STON2: variants seen among roughly 807,000 people sequenced by gnomAD.
STON2 encodes stonin-2.
STON2 carries 29 observed loss-of-function variants against 65.7 expected under a neutral mutation model. The ratio of observed to expected loss-of-function variants is 0.44; its 90% CI spans 0.33 to 0.60. The LOEUF is 0.60. Ranked by LOEUF, STON2 falls within the 20% of genes least tolerant of loss-of-function variation. The probability of loss-of-function intolerance (pLI) is 0.03; values close to 1 mark genes in which losing one functional copy is unlikely to be tolerated. For synonymous variants in STON2, 404 were observed against 414.2 expected (o/e 0.98, Z 0.30); for missense variants, 1,054 against 1,118.1 (o/e 0.94, Z 0.82).
At chr14:81,279,812 GATGCTCTGAAAAGAGAT>G (rs1895035193) in intron 5 of STON2, among the ~76,000 whole-genome samples, 2 of 152,184 alleles carry the variant, frequency 1.3e-5, no homozygotes. Flanking sequence ...AGTTGCAACA[GATGCTCTGAAAAGAGAT>G]TGGGCAATTT....
intron 5 of STON2, among the ~76,000 whole-genome samples, chr14:81,303,476 C>G (rs1896050347): frequency 6.6e-6 from 1 of 152,314 alleles, no homozygotes; most frequent in South Asian, 2.1e-4. Flanking sequence ...GTGCCCTTTG[C>G]CCCAGTGGCT....
intron 1 of STON2, among the ~76,000 whole-genome samples, chr14:81,435,714 C>A (rs752668210): frequency 3.3e-5 from 5 of 152,004 alleles, no homozygotes; most frequent in Non-Finnish European, 5.9e-5. Flanking sequence ...CGCGCGCGCA[C>A]ACACGCACTC....
chr14:81,412,465 C>T (rs1901208885), intron 2 of STON2, among the ~76,000 whole-genome samples: 1 of 139,898 alleles, frequency 7.1e-6, no homozygotes, highest in Admixed American at 7.1e-5. Context: ...GGACATCATG[C>T]TAAGTGAAAT....
intron 4 of STON2, among the ~76,000 whole-genome samples, chr14:81,331,509 G>C (rs1021811806): frequency 1.3e-5 from 2 of 152,112 alleles, no homozygotes; most frequent in African/African-American, 4.8e-5. Context: ...GGGAGGGGGG[G>C]TACAGAGCCA....
At chr14:81,269,463 A>G in intron 7 of STON2, 1 of 985,480 alleles carries the variant, frequency 1.0e-6, no homozygotes, top group Non-Finnish European at 1.2e-6. Context: ...AATCTTTGAT[A>G]GCTCAGGCAA....
At chr14:81,397,617 T>A (rs1336952676) in intron 2 of STON2, among the ~76,000 whole-genome samples, 2 of 152,168 alleles carry the variant, frequency 1.3e-5, no homozygotes, top group African/African-American at 4.8e-5. Context: ...TTGGCACTGG[T>A]AGCTGTAGTA....
In STON2 at chr14:81,321,805, T is replaced by A. The variant is rs889590301; in HGVS notation, c.742+2212A>T. On this transcript the variant is annotated intron_variant, in intron 5 of 7. Transcript: ENST00000614646. ...TGTGTTCAGAGTTCTGAGCTAAGGA[T>A]TCTGGGAGCAACCAACCCAGAGATC... Among the ~76,000 whole-genome samples the A allele has an allele frequency of 3.9e-5, 6 of 152,060 alleles. No homozygotes were observed. In the South Asian group the frequency reaches 1.0e-3, roughly 26 times the overall value.
At chr14:81,279,420 G>T (rs1295483996) in intron 5 of STON2, among the ~76,000 whole-genome samples, 1 of 152,178 alleles carries the variant, frequency 6.6e-6, no homozygotes, top group African/African-American at 2.4e-5. Flanking sequence ...GCCGGGCACA[G>T]TGGCTCATGC....
intron 6 of STON2, among the ~76,000 whole-genome samples, chr14:81,276,391 C>T (rs967884921): frequency 1.6e-5 from 2 of 122,724 alleles, no homozygotes; most frequent in Admixed American, 8.4e-5. Flanking sequence ...CCCCCAGTCC[C>T]AGAGCCAAAG....
chr14:81,322,986 T>C (rs554785685), intron 5 of STON2, among the ~76,000 whole-genome samples: 1 of 152,342 alleles, frequency 6.6e-6, no homozygotes, highest in Admixed American at 6.5e-5. Flanking sequence ...GCAATTTCTA[T>C]TGCATTTCCC....
chr14:81,387,671 C>T (rs1899879331), intron 3 of STON2, among the ~76,000 whole-genome samples: 1 of 151,712 alleles, frequency 6.6e-6, no homozygotes, highest in Non-Finnish European at 1.5e-5. Flanking sequence ...GGTGGATCAC[C>T]CACCAGAGGT....
At chr14:81,368,078 T>TA (rs1241256942) in intron 4 of STON2, among the ~76,000 whole-genome samples, 10 of 152,126 alleles carry the variant, frequency 6.6e-5, no homozygotes, top group Non-Finnish European at 1.3e-4. Context: ...CTATTTATAT[T>TA]AAAAATAAGC....
intron 4 of STON2, among the ~76,000 whole-genome samples, chr14:81,362,509 T>C (rs1020366509): frequency 5.9e-5 from 9 of 152,124 alleles, no homozygotes; most frequent in Admixed American, 5.2e-4. Context: ...AGATGTTGGT[T>C]AAAGGGTACA....
At chr14:81,307,334 A>T (rs1896220737) in intron 5 of STON2, among the ~76,000 whole-genome samples, 1 of 152,236 alleles carries the variant, frequency 6.6e-6, no homozygotes, top group Non-Finnish European at 1.5e-5. Flanking sequence ...GAAAATCTTC[A>T]TTCCTTGAGG....
rs550704763 is a variant in STON2 at position 81,330,205 on chromosome 14, C to T, written c.572-6018G>A. Among the ~76,000 whole-genome samples, 4 of 152,260 alleles carry T rather than the reference C, an allele frequency of 2.6e-5. No individual in the cohort carries two copies. In the South Asian group the frequency reaches 6.2e-4, roughly 24 times the overall value. Reference sequence around the variant, plus strand: ...GCATACCATCACCCCCTCTCGGCACCGTGAGAAGAATTCAAATGCAATAAT... The same window carrying T: ...GCATACCATCACCCCCTCTCGGCACTGTGAGAAGAATTCAAATGCAATAAT... On this transcript the variant is annotated intron_variant, in intron 4 of 7. Coordinates refer to ENST00000614646, the MANE Select transcript of STON2 (RefSeq NM_001394390.1).
intron 4 of STON2, among the ~76,000 whole-genome samples, chr14:81,353,827 G>C (rs1898116835): frequency 6.6e-6 from 1 of 152,126 alleles, no homozygotes; most frequent in South Asian, 2.1e-4. Flanking sequence ...ACAGGATGTA[G>C]ACCTTGGTGG....
intron 5 of STON2, among the ~76,000 whole-genome samples, chr14:81,290,893 C>T (rs1489046700): frequency 6.6e-6 from 1 of 152,190 alleles, no homozygotes; most frequent in African/African-American, 2.4e-5. Context: ...AGTGTAAACA[C>T]ATCAAGTTAA....
At chr14:81,374,202 G>C (rs1331378838) in intron 3 of STON2, among the ~76,000 whole-genome samples, 1 of 149,484 alleles carries the variant, frequency 6.7e-6, no homozygotes, top group East Asian at 2.0e-4. Context: ...TTTTAGTAGA[G>C]ATGGGTTTCA....
rs566099418 is a variant in STON2 at position 81,301,099 on chromosome 14, G to C, written c.743-22360C>G. ...ATTGCACCATCATTTCTCCAGGTTT[G>C]ATTCATTCATTTAATCTCACACCAA... is the stretch of plus-strand genomic sequence containing the variant. On this transcript the variant is annotated intron_variant, in intron 5 of 7. Coordinates refer to ENST00000614646, the MANE Select transcript of STON2 (RefSeq NM_001394390.1). 4.4e-4 allele frequency among the ~76,000 whole-genome samples: 67 copies of C among 152,204 alleles called. No individual in the cohort carries two copies. In the South Asian group the frequency reaches 0.013, roughly 31 times the overall value.
Sources: allele counts gnomAD v4.1 joint callset (sites outside exome capture counted in the v4.1 genomes callset), GRCh38; gene constraint gnomAD v4.1.1; transcripts MANE v1.5; gene names NCBI Gene and HGNC (gene_info 2026-07-23, HGNC 2026-07-21).